LRRIQ3: variants seen among roughly 807,000 people sequenced by gnomAD.
The protein encoded by LRRIQ3 is leucine rich repeats and IQ motif containing 3, also known as leucine-rich repeat and IQ domain-containing protein 3.
A neutral mutation model predicts 59.3 loss-of-function variants in LRRIQ3; 75 were observed. The ratio of observed to expected loss-of-function variants is 1.26; its 90% CI spans 1.05 to 1.53. The LOEUF (loss-of-function observed/expected upper bound fraction) is 1.53, where lower values mean the gene tolerates loss of function less well. LRRIQ3 is among the 40% of genes most tolerant of loss of function. The pLI, the probability that LRRIQ3 is intolerant of heterozygous loss-of-function variation, is 0.00. For missense variants in LRRIQ3, 831 were observed against 710.0 expected (o/e 1.17, Z -1.94); for synonymous variants, 250 against 231.3 (o/e 1.08, Z -0.73).
chr1:74,122,411 C>T (rs1646872798), intron 4 of LRRIQ3, among the ~76,000 whole-genome samples: 1 of 152,082 alleles, frequency 6.6e-6, no homozygotes, highest in Non-Finnish European at 1.5e-5. Flanking sequence ...ATCCTTCGCC[C>T]ACTTTTTGAT....
intron 3 of LRRIQ3, among the ~76,000 whole-genome samples, chr1:74,158,809 C>T (rs1278323365): frequency 6.6e-6 from 1 of 152,060 alleles, no homozygotes; most frequent in Non-Finnish European, 1.5e-5. Flanking sequence ...TGACACAGAC[C>T]TTACAAATTC....
rs369248278 is a variant in LRRIQ3 at position 74,039,573 on chromosome 1, C to T, written c.1718+1640G>A. ...AATCTACAAAGGGAAGCACATCAGA[C>T]TAACAGTGGACCTCTCAGCAGAAAC... On this transcript the variant is annotated intron_variant, in intron 7 of 7. Coordinates refer to ENST00000354431, the MANE Select transcript of LRRIQ3 (RefSeq NM_001105659.2). Among the ~76,000 whole-genome samples, 13 of 152,294 alleles carry T rather than the reference C, an allele frequency of 8.5e-5. No individual in the cohort carries two copies. The South Asian group carries it at 1.4e-3, about 17-fold the overall frequency.
At chr1:74,166,677 T>C (rs2100690837) in intron 3 of LRRIQ3, among the ~76,000 whole-genome samples, 1 of 152,008 alleles carries the variant, frequency 6.6e-6, no homozygotes, top group Middle Eastern at 3.4e-3. Context: ...GCTATAAATT[T>C]TCCTCTAAGC....
At chr1:74,141,268 A>T (rs184036594) in intron 4 of LRRIQ3, among the ~76,000 whole-genome samples, 1 of 151,806 alleles carries the variant, frequency 6.6e-6, no homozygotes, top group African/African-American at 2.4e-5. Context: ...CCAATAGTAA[A>T]TTTTAAAAAA....
intron 3 of LRRIQ3, among the ~76,000 whole-genome samples, chr1:74,174,879 C>T (rs538647133): frequency 1.8e-4 from 28 of 152,234 alleles, no homozygotes; most frequent in South Asian, 1.0e-3. Context: ...TAGCAGATTT[C>T]CATTTCTTTA....
chr1:74,191,048 T>C (rs1225157035), intron 1 of LRRIQ3, among the ~76,000 whole-genome samples: 1 of 152,144 alleles, frequency 6.6e-6, no homozygotes, highest in African/African-American at 2.4e-5. Context: ...TCTTTTTCTT[T>C]ATAAATTACC....
intron 4 of LRRIQ3, among the ~76,000 whole-genome samples, chr1:74,143,604 CCTAA>C (rs1557637743): frequency 6.6e-6 from 1 of 151,384 alleles, no homozygotes; most frequent in Non-Finnish European, 1.5e-5. Flanking sequence ...CTTCAATATA[CCTAA>C]CTTTTAAGGT....
chr1:74,169,631 A>G (rs2100696461), intron 3 of LRRIQ3, among the ~76,000 whole-genome samples: 2 of 152,126 alleles, frequency 1.3e-5, no homozygotes, highest in East Asian at 3.9e-4. Context: ...AGCTCATTGC[A>G]GCCTCAAACT....
intron 6 of LRRIQ3, among the ~76,000 whole-genome samples, chr1:74,042,361 C>G (rs999232019): frequency 3.3e-5 from 5 of 151,970 alleles, no homozygotes; most frequent in Non-Finnish European, 7.4e-5. Flanking sequence ...AATAAATGAG[C>G]AGGGAGTATT....
chr1:74,195,556 A>T (rs1277693008), intron 1 of LRRIQ3, among the ~76,000 whole-genome samples: 1 of 152,204 alleles, frequency 6.6e-6, no homozygotes, highest in Admixed American at 6.5e-5. Context: ...AAGTTGCTTT[A>T]AAAAATCTAT....
chr1:74,195,986 T>C (rs572625180), intron 1 of LRRIQ3, among the ~76,000 whole-genome samples: 5 of 152,124 alleles, frequency 3.3e-5, no homozygotes, highest in East Asian at 3.9e-4. Flanking sequence ...CCTACTCATA[T>C]ATATAGTATT....
At position 74,032,636 on chromosome 1, in the gene LRRIQ3, G is replaced by A. The variant is rs146549076; in HGVS notation, c.1719-5667C>T. On this transcript the variant is annotated intron_variant, in intron 7 of 7. Coordinates refer to ENST00000354431, the MANE Select transcript of LRRIQ3 (RefSeq NM_001105659.2). ...TTGAAAGGCTCATGTGATACATTGG[G>A]CGCATCTGGATAATCCAGAATAATT... is the stretch of plus-strand genomic sequence containing the variant. Among the ~76,000 whole-genome samples the A allele has an allele frequency of 3.3e-5, 5 of 152,106 alleles. No homozygotes were observed. The East Asian group carries it at 9.6e-4, about 29-fold the overall frequency.
At chr1:74,116,072 T>A (rs1646772609) in intron 4 of LRRIQ3, among the ~76,000 whole-genome samples, 1 of 152,034 alleles carries the variant, frequency 6.6e-6, no homozygotes, top group Non-Finnish European at 1.5e-5. Context: ...ATATTGATTT[T>A]AAAAACCTGA....
intron 6 of LRRIQ3, among the ~76,000 whole-genome samples, chr1:74,071,160 A>G (rs762107298): frequency 6.6e-6 from 1 of 151,656 alleles, no homozygotes; most frequent in Non-Finnish European, 1.5e-5. Context: ...TCATCTATCT[A>G]TGTAGTTATA....
chr1:74,139,276 A>AAAGG (rs1393334002), intron 4 of LRRIQ3, among the ~76,000 whole-genome samples: 2 of 150,466 alleles, frequency 1.3e-5, no homozygotes, highest in African/African-American at 4.9e-5. Context: ...AGGAAGGGAG[A>AAAGG]AAGGAAGGAA....
intron 7 of LRRIQ3, among the ~76,000 whole-genome samples, chr1:74,040,228 C>G (rs563458760): frequency 6.6e-6 from 1 of 152,158 alleles, no homozygotes; most frequent in Non-Finnish European, 1.5e-5. Flanking sequence ...ATCAATGCAA[C>G]AAGAAGAGCT....
At chr1:74,072,049 A>G (rs1263064899) in intron 6 of LRRIQ3, among the ~76,000 whole-genome samples, 2 of 152,108 alleles carry the variant, frequency 1.3e-5, no homozygotes, top group South Asian at 2.1e-4. Context: ...ATTTTCATTT[A>G]AAAATTAACA....
intron 6 of LRRIQ3, among the ~76,000 whole-genome samples, chr1:74,052,786 T>C (rs965572903): frequency 2.6e-5 from 4 of 152,166 alleles, no homozygotes; most frequent in African/African-American, 9.6e-5. Flanking sequence ...AGTTCCTTTT[T>C]TTCATAATGT....
intron 4 of LRRIQ3, among the ~76,000 whole-genome samples, chr1:74,121,152 A>C (rs1646849407): frequency 1.3e-5 from 2 of 152,116 alleles, no homozygotes; most frequent in African/African-American, 2.4e-5. Flanking sequence ...AAACTACTTG[A>C]GAATAGTGTC....
Sources: gnomAD v4.1 joint callset for allele counts (sites outside exome capture counted in the v4.1 genomes callset) on GRCh38, gnomAD v4.1.1 for gene constraint, MANE v1.5 for transcripts, NCBI Gene and HGNC (gene_info 2026-07-23, HGNC 2026-07-21) for gene names.